CLDN10: variants seen among roughly 807,000 people sequenced by gnomAD.
The protein encoded by CLDN10 is claudin-10.
Under a neutral mutation model 22.9 loss-of-function variants are expected in CLDN10, and 15 were observed. The ratio of observed to expected loss-of-function variants is 0.65; its 90% CI spans 0.44 to 1.01. CLDN10 has a LOEUF of 1.01. Among genes scored for constraint, CLDN10 ranks in the 50% least tolerant of loss-of-function variants. The pLI is 0.00. For missense variants in CLDN10, 247 were observed against 287.8 expected, an observed-to-expected ratio of 0.86 and a Z score of 1.03; for synonymous variants, 114 against 111.4, an observed-to-expected ratio of 1.02 and a Z score of -0.15.
At chr13:95,545,792 C>T (rs1192455391) in intron 1 of CLDN10, among the ~76,000 whole-genome samples, 1 of 152,106 alleles carries the variant, frequency 6.6e-6, no homozygotes, top group Non-Finnish European at 1.5e-5. Context: ...ATACTCACTG[C>T]AGAACGTCCC....
chr13:95,488,727 CAT>C (rs199604705), intron 1 of CLDN10, among the ~76,000 whole-genome samples: 3 of 151,400 alleles, frequency 2.0e-5, no homozygotes, highest in African/African-American at 2.4e-5. Context: ...AGTATTCCAT[CAT>C]ATATATATAT....
intron 3 of CLDN10, among the ~76,000 whole-genome samples, chr13:95,564,753 TTGA>T (rs2043760716): frequency 6.6e-6 from 1 of 152,156 alleles, no homozygotes; most frequent in Non-Finnish European, 1.5e-5. Context: ...AGGAGCTTTG[TTGA>T]TGAGGAAAAA....
At chr13:95,570,968 T>G (rs1276092150) in intron 3 of CLDN10, among the ~76,000 whole-genome samples, 4 of 150,876 alleles carry the variant, frequency 2.7e-5, no homozygotes, top group Non-Finnish European at 1.5e-5. Context: ...TTGGACAATT[T>G]GTAACATATT....
intron 1 of CLDN10, among the ~76,000 whole-genome samples, chr13:95,534,463 G>A (rs2043378953): frequency 6.6e-6 from 1 of 151,984 alleles, no homozygotes; most frequent in African/African-American, 2.4e-5. Flanking sequence ...CCTGTCAAAT[G>A]TATGAATATC....
intron 1 of CLDN10, among the ~76,000 whole-genome samples, chr13:95,510,577 A>T (rs2043085897): frequency 6.6e-6 from 1 of 152,084 alleles, no homozygotes; most frequent in Non-Finnish European, 1.5e-5. Context: ...TTGCTTATTT[A>T]TTAAGCCTTT....
At chr13:95,463,132 A>G (rs2042549868) in intron 1 of CLDN10, among the ~76,000 whole-genome samples, 1 of 151,216 alleles carries the variant, frequency 6.6e-6, no homozygotes, top group Non-Finnish European at 1.5e-5. Flanking sequence ...TTTTCTCTCC[A>G]TTGTTTTGCC....
At chr13:95,454,472 A>G (rs1566278861) in intron 1 of CLDN10, among the ~76,000 whole-genome samples, 1 of 152,176 alleles carries the variant, frequency 6.6e-6, no homozygotes, top group East Asian at 1.9e-4. Flanking sequence ...GAAGGAAGGA[A>G]GGAAAGGAAG....
chr13:95,472,109 G>A (rs1301813595), intron 1 of CLDN10, among the ~76,000 whole-genome samples: 1 of 152,048 alleles, frequency 6.6e-6, no homozygotes, highest in Non-Finnish European at 1.5e-5. Flanking sequence ...CAGTGCTGAA[G>A]AAATTATTTC....
chr13:95,476,671 G>T (rs2042688910), intron 1 of CLDN10, among the ~76,000 whole-genome samples: 1 of 152,114 alleles, frequency 6.6e-6, no homozygotes, highest in South Asian at 2.1e-4. Context: ...CTGGAACCCT[G>T]AACACCAGTG....
chr13:95,466,709 A>G (rs1031997509), intron 1 of CLDN10, among the ~76,000 whole-genome samples: 2 of 152,152 alleles, frequency 1.3e-5, no homozygotes, highest in Non-Finnish European at 2.9e-5. Context: ...ATATAAGTTT[A>G]ACGTCAAGGT....
At chr13:95,435,318 C>G (rs993792451) in intron 1 of CLDN10, among the ~76,000 whole-genome samples, 1 of 152,084 alleles carries the variant, frequency 6.6e-6, no homozygotes, top group Non-Finnish European at 1.5e-5. Context: ...AAAACTGTAC[C>G]TTGGCCCCAG....
rs148092926 is a variant in CLDN10 at position 95,554,517 on chromosome 13, C to T, written c.220+1544C>T. Among the ~76,000 whole-genome samples the T allele has an allele frequency of 3.0e-3, 450 of 152,068 alleles. 1 individual carries two copies. The highest frequency in any genetic ancestry group is 0.01 in the African/African-American group (419 of 41,480). On this transcript the variant is annotated intron_variant, in intron 1 of 4. Coordinates refer to ENST00000299339, the MANE Select transcript of CLDN10 (RefSeq NM_006984.5). ...ATACCTGTTTGGGGGCAGATCGGGCCGGGAGTGAAGAGGAAGTAGGAATAG... is the reference window on the plus strand; with the variant it reads ...ATACCTGTTTGGGGGCAGATCGGGCTGGGAGTGAAGAGGAAGTAGGAATAG...
In CLDN10 at chr13:95,543,098, G is replaced by A. The variant is rs558729827; in HGVS notation, c.215-17034G>A. 3.3e-5 allele frequency among the ~76,000 whole-genome samples: 5 copies of A among 152,264 alleles called. No homozygotes were observed. The East Asian group carries it at 9.7e-4, about 29-fold the overall frequency. Reference sequence around the variant, plus strand: ...AATATAAAAATTAGCCAAGCATAGTGTCACATGCCTGTAACCCCAGCTACT... The same window carrying A: ...AATATAAAAATTAGCCAAGCATAGTATCACATGCCTGTAACCCCAGCTACT... On this transcript the variant is annotated intron_variant, in intron 1 of 4. Transcript: ENST00000376873.
intron 1 of CLDN10, among the ~76,000 whole-genome samples, chr13:95,481,832 C>A (rs79575616): frequency 0.065 from 9,874 of 152,144 alleles, 474 homozygotes; most frequent in East Asian, 0.2. Flanking sequence ...CCAGCCTGAG[C>A]AACATGGCAA....
intron 1 of CLDN10, among the ~76,000 whole-genome samples, chr13:95,523,993 T>C (rs2043249017): frequency 6.6e-6 from 1 of 152,186 alleles, no homozygotes; most frequent in Non-Finnish European, 1.5e-5. Context: ...CTAATTTCAT[T>C]TAACATATTT....
rs1360774669 is a variant in CLDN10, at chr13:95,488,975, C to T, written c.214+54928C>T. On this transcript the variant is annotated intron_variant, in intron 1 of 4. Coordinates refer to the CLDN10 transcript ENST00000376873. ...CTTTTTTTTTTTTTTTTTTTTGAAA[C>T]GGAGTTTCTCTCGTCACCCAGGCTA... Among the ~76,000 whole-genome samples, 57 of 75,284 alleles carry T rather than the reference C, an allele frequency of 7.6e-4. 2 individuals carry two copies. The highest frequency in any genetic ancestry group is 1.4e-3 in the Non-Finnish European group (52 of 36,682). The allele number at this position is 75,284 out of a possible 152,430, so 49.4% of individuals were successfully genotyped here.
intron 1 of CLDN10, among the ~76,000 whole-genome samples, chr13:95,559,276 C>G (rs777895067): frequency 1.3e-5 from 2 of 152,130 alleles, no homozygotes; most frequent in Non-Finnish European, 2.9e-5. Flanking sequence ...ATGTAAAAAC[C>G]TGGACAAAAG....
rs1231431160 is a variant in CLDN10, at chr13:95,577,224, C to G, written c.465-7C>G. 1.3e-6 allele frequency: 2 copies of G among 1,590,182 alleles called. No individual in the cohort carries two copies. The highest frequency in any genetic ancestry group is 2.7e-5 in the African/African-American group (2 of 74,488). ...AGCTGTAATACTTGTGTAATGCTTT[C>G]TCACAGGTATGAATTAGGAGCCGCT... is the stretch of plus-strand genomic sequence containing the variant. On this transcript the variant is annotated splice_polypyrimidine_tract_variant and splice_region_variant and intron_variant, in intron 3 of 4. Coordinates refer to ENST00000299339, the MANE Select transcript of CLDN10 (RefSeq NM_006984.5).
At chr13:95,482,465 G>A (rs1010161571) in intron 1 of CLDN10, among the ~76,000 whole-genome samples, 5 of 152,084 alleles carry the variant, frequency 3.3e-5, no homozygotes, top group Admixed American at 1.3e-4. Flanking sequence ...GCCTCACTGA[G>A]TCATGTCTTT....
Sources: gnomAD v4.1 joint callset for allele counts (sites outside exome capture counted in the v4.1 genomes callset) on GRCh38, gnomAD v4.1.1 for gene constraint, MANE v1.5 for transcripts, NCBI Gene and HGNC (gene_info 2026-07-23, HGNC 2026-07-21) for gene names.